DOCK6: variants seen among roughly 807,000 people sequenced by gnomAD.
DOCK6 encodes dedicator of cytokinesis protein 6.
DOCK6 carries 167 observed loss-of-function variants against 230.3 expected under a neutral mutation model. The ratio of observed to expected loss-of-function variants is 0.73; its 90% confidence interval spans 0.64 to 0.82. DOCK6 has a LOEUF of 0.82. DOCK6 is among the 40% of genes least tolerant of loss of function. DOCK6 has a pLI of 0.00. For missense variants in DOCK6, 2,598 were observed against 2,825.8 expected, an observed-to-expected ratio of 0.92 and a Z score of 1.83; for synonymous variants, 1,148 against 1,185.0, an observed-to-expected ratio of 0.97 and a Z score of 0.64.
At position 11,235,648 on chromosome 19, in the gene DOCK6, T is replaced by C. The variant is rs1447287737; in HGVS notation, c.2504A>G (p.Tyr835Cys). The part of the protein sequence containing the change: ...ARGHCPQLAA[Y>C]VHYAFRLPGT... ...AGGAAGGCGAAAGGCGTAGTGGACG[T>C]AGGCAGCCAGCTGTGGGCAGTGACC... Residue 835 changes from tyrosine to cysteine, a missense_variant, in exon 21 of 48, where the codon TAC (tyrosine) becomes TGC (cysteine). By Grantham distance (194) the Tyr-to-Cys change is radical. Transcript: ENST00000294618. 3 of 1,603,608 alleles carry C rather than the reference T, an allele frequency of 1.9e-6. No individual in the cohort carries two copies. Among genetic ancestry groups the C allele is most frequent in the Non-Finnish European group, 2.6e-6 (3 of 1,175,492 alleles).
In DOCK6 at chr19:11,204,216, G is replaced by A; in HGVS notation, c.5204C>T (p.Thr1735Ile). The change falls in exon 40 of 48, where the codon ACC becomes ATC. Residue 1735 changes from threonine to isoleucine, a missense_variant. Physicochemically the swap from Thr to Ile is moderately conservative, Grantham distance 89 (BLOSUM62 -1). Transcript: ENST00000294618. Reference sequence around the variant, plus strand: ...TGGGCCCACCTGGTGCATGATCTTGGTGAAGGCCTCCTGCAGTTTGCCGTG... The same window carrying A: ...TGGGCCCACCTGGTGCATGATCTTGATGAAGGCCTCCTGCAGTTTGCCGTG... Reference protein sequence around the residue: ...AVHGKLQEAFTKIMHQSSGWE... With the variant: ...AVHGKLQEAFIKIMHQSSGWE... The A allele has an allele frequency of 6.4e-7, 1 of 1,560,658 alleles. No homozygotes were observed. Among genetic ancestry groups the A allele is most frequent in the Non-Finnish European group, 8.7e-7 (1 of 1,151,186 alleles).
intron 21 of DOCK6, among the ~76,000 whole-genome samples, chr19:11,233,576 A>G (rs2079802533): frequency 6.6e-6 from 1 of 152,158 alleles, no homozygotes. Flanking sequence ...GCTCATGCCT[A>G]TAATCCCAGC....
Position 11,246,563 on chromosome 19 carries a change from C to T in DOCK6, c.807-685G>A, listed in dbSNP as rs576238683. 4.6e-5 allele frequency among the ~76,000 whole-genome samples: 7 copies of T among 152,102 alleles called. No individual in the cohort carries two copies. In the East Asian group the frequency reaches 1.2e-3, roughly 25 times the overall value. On this transcript the variant is annotated intron_variant, in intron 7 of 47. Transcript: ENST00000294618. ...ACAGGCGTGAGCCACCGCGCCCCGCCGACACTGAAGTTTTTTTCCCCCTCC... is the reference window on the plus strand; with the variant it reads ...ACAGGCGTGAGCCACCGCGCCCCGCTGACACTGAAGTTTTTTTCCCCCTCC...
chr19:11,261,133 T>C (rs577773279), intron 1 of DOCK6, among the ~76,000 whole-genome samples: 1 of 152,038 alleles, frequency 6.6e-6, no homozygotes, highest in South Asian at 2.1e-4. Flanking sequence ...CAAAGTCCCT[T>C]GCACAGCCCA....
In DOCK6 at chr19:11,202,060, G is replaced by C. The variant is rs2079178400; in HGVS notation, c.5517C>G (p.Thr1839=). The C allele has an allele frequency of 1.2e-6, 2 of 1,614,026 alleles. No homozygotes were observed. The change falls in exon 44 of 48, where the codon ACC becomes ACG. Residue 1839 remains threonine (T), a synonymous_variant. Coordinates refer to ENST00000294618, the MANE Select transcript of DOCK6 (RefSeq NM_020812.4). The surrounding 1 kb of genome is among the most constrained non-coding windows in gnomAD (Gnocchi z 5.3). ...FDTYELKDRV[T]YFDRNYGLRT... ...GAAGCCCATAGTTGCGGTCAAAGTA[G>C]GTCACCCGGTCCTTGAGCTCGTAGG...
intron 22 of DOCK6, chr19:11,229,323 G>A (rs1462729140): frequency 8.5e-7 from 1 of 1,178,316 alleles, no homozygotes; most frequent in Non-Finnish European, 1.1e-6. Flanking sequence ...TCTCAGCTGG[G>A]TGGCTGGTGG....
chr19:11,230,109 A>T lies in DOCK6; in HGVS notation c.2719-1074T>A, dbSNP rs112049120. 3.3e-5 allele frequency among the ~76,000 whole-genome samples: 5 copies of T among 150,934 alleles called. No homozygotes were observed. The South Asian group carries it at 8.3e-4, about 25-fold the overall frequency. On this transcript the variant is annotated intron_variant, in intron 22 of 47. Transcript: ENST00000294618. ...AGCACTTTGGGAGGCCGAGGCAGGT[A>T]GATCACGAGGTCAGGAGATCGAGAC...
At chr19:11,229,410 C>T (rs530050652) in intron 22 of DOCK6, 34 of 1,036,126 alleles carry the variant, frequency 3.3e-5, no homozygotes, top group Non-Finnish European at 3.8e-5. Flanking sequence ...GATGTGATGG[C>T]GAGGAGAAGG....
intron 20 of DOCK6, 131 bp from the exon 21 acceptor site, chr19:11,235,890 T>G: frequency 7.6e-7 from 1 of 1,319,222 alleles, no homozygotes; most frequent in Non-Finnish European, 9.9e-7. Context: ...TTTTTTTTTT[T>G]TTTTTTTTGA....
At chr19:11,207,212 G>A (rs1040804956) in intron 39 of DOCK6, among the ~76,000 whole-genome samples, 7 of 151,922 alleles carry the variant, frequency 4.6e-5, no homozygotes, top group South Asian at 2.1e-4. Context: ...TTTATTTTTT[G>A]AGACAAGGTT....
chr19:11,230,308 C>T (rs2079744012), intron 22 of DOCK6, among the ~76,000 whole-genome samples: 1 of 151,998 alleles, frequency 6.6e-6, no homozygotes, highest in African/African-American at 2.4e-5. Context: ...CATTGCACTC[C>T]AGCCTGAGTG....
rs149788070 is a variant in DOCK6 at position 11,239,151 on chromosome 19, T to TG, written c.1644-848dup. ...TATGCAGGTCTTGGAGATCAGGCTGTGTGACCTTGGGAGAGTCTCTGCCAC... is the reference window on the plus strand; with the variant it reads ...TATGCAGGTCTTGGAGATCAGGCTGTGGTGACCTTGGGAGAGTCTCTGCCAC... On this transcript the variant is annotated intron_variant, in intron 14 of 47. Transcript: ENST00000294618. 6.2e-3 allele frequency among the ~76,000 whole-genome samples: 940 copies of TG among 152,230 alleles called. 9 individuals carry two copies. The highest frequency in any genetic ancestry group is 0.022 in the African/African-American group (912 of 41,516).
chr19:11,218,042 G>T (rs2079522175), intron 28 of DOCK6, among the ~76,000 whole-genome samples: 2 of 151,902 alleles, frequency 1.3e-5, no homozygotes, highest in South Asian at 4.2e-4. Context: ...AGTAGAGACG[G>T]GGTTTCACCA....
Position 11,200,608 on chromosome 19 carries a change from A to T in DOCK6, c.5939+108T>A. ...GAGGTCAGGTTGGGAGAGTGGACTT[A>T]ATGGGAATCGGGCAGATGGGGGAGC... is the stretch of plus-strand genomic sequence containing the variant. On this transcript the variant is annotated intron_variant, in intron 46 of 47. Transcript: ENST00000294618. The surrounding 1 kb of genome is among the most constrained non-coding windows in gnomAD (Gnocchi z 4.3). 2 of 1,496,310 alleles carry T rather than the reference A, an allele frequency of 1.3e-6. No homozygotes were observed. The highest frequency in any genetic ancestry group is 1.8e-6 in the Non-Finnish European group (2 of 1,108,784). The allele number at this position is 1,496,310 out of a possible 1,614,324, so 92.7% of individuals were successfully genotyped here.
At chr19:11,244,450 G>GTTTTTT (rs1252244512) in intron 9 of DOCK6, among the ~76,000 whole-genome samples, 1 of 68,302 alleles carries the variant, frequency 1.5e-5, no homozygotes, top group Non-Finnish European at 2.7e-5. Context: ...ACCACACCTG[G>GTTTTTT]CTTTTTTTTT....
intron 24 of DOCK6, among the ~76,000 whole-genome samples, chr19:11,227,136 A>G (rs2079678140): frequency 2.0e-5 from 3 of 152,134 alleles, no homozygotes; most frequent in Admixed American, 1.3e-4. Flanking sequence ...TGTTTTGTTT[A>G]TTGTTATATT....
intron 33 of DOCK6, 65 bp from the exon 34 acceptor site, chr19:11,214,474 A>C (rs2079446315): frequency 6.2e-7 from 1 of 1,613,500 alleles, no homozygotes; most frequent in Non-Finnish European, 8.5e-7. Context: ...AAAGGGAAGG[A>C]GAGGGATTAT....
At chr19:11,252,729 G>T in intron 3 of DOCK6, 54 bp downstream of exon 3, 2 of 1,596,912 alleles carry the variant, frequency 1.3e-6, no homozygotes, top group Admixed American at 3.4e-5. Flanking sequence ...TGTTGATGGG[G>T]TTGGCAGAGA....
At position 11,201,953 on chromosome 19, in the gene DOCK6, A is replaced by G; in HGVS notation, c.5624T>C (p.Leu1875Pro). Residue 1875 changes from leucine to proline, a missense_variant, in exon 44 of 48, where the codon CTG becomes CCG. Leu to Pro is a moderately conservative substitution (Grantham distance 98, BLOSUM62 -3). Transcript: ENST00000294618. The surrounding 1 kb of genome is among the most constrained non-coding windows in gnomAD (Gnocchi z 4.3). ...GGGGAAGGCGTGGTCGGTGCTGAGC[A>G]GCGTCTTACGCTTGTGTTGCTCGGG... ...ELPEQHKRKT[L>P]LSTDHAFPYI... 6.2e-7 allele frequency: 1 copy of G among 1,612,432 alleles called. No individual in the cohort carries two copies. The highest frequency in any genetic ancestry group is 8.5e-7 in the Non-Finnish European group (1 of 1,179,248).
Sources: allele counts gnomAD v4.1 joint callset (sites outside exome capture counted in the v4.1 genomes callset), GRCh38; gene constraint gnomAD v4.1.1; non-coding constraint Gnocchi (gnomAD v3.1); transcripts MANE v1.5; gene names NCBI Gene and HGNC (gene_info 2026-07-23, HGNC 2026-07-21).